Variants in PSG11 observed in about 807,000 individuals in gnomAD.
PSG11 encodes the protein pregnancy specific beta-1-glycoprotein 11.
In PSG11, 42 loss-of-function variants were observed where a neutral mutation model predicts 36.0. The observed-to-expected ratio is 1.17, with a 90% confidence interval of 0.91 to 1.51. The LOEUF (loss-of-function observed/expected upper bound fraction) is 1.51. PSG11 is among the 40% of genes most tolerant of loss of function. The pLI is 0.00. For synonymous variants in PSG11, 206 were observed against 153.5 expected (o/e 1.34, Z -2.53); for missense variants, 558 against 403.5 (o/e 1.38, Z -3.28).
intron 4 of PSG11, among the ~76,000 whole-genome samples, chr19:43,012,594 A>G (rs1001635793): frequency 6.6e-6 from 1 of 151,254 alleles, no homozygotes; most frequent in Non-Finnish European, 1.5e-5. Flanking sequence ...AGGTGAAATG[A>G]TTATACCTGA....
chr19:43,010,880 C>T (rs1362219805), intron 4 of PSG11, among the ~76,000 whole-genome samples: 4 of 121,522 alleles, frequency 3.3e-5, no homozygotes, highest in African/African-American at 7.0e-5. Flanking sequence ...TTATGTGTTA[C>T]CTCTTTTTCC....
chr19:43,015,281 G>A lies in PSG11; in HGVS notation c.799C>T (p.Pro267Ser). Reference sequence around the variant, plus strand: ...ATTGTCCAAGAATACTGTGCTGGTGGGTTAGAGTTTGCGAAGCAGGACAAG... The same window carrying A: ...ATTGTCCAAGAATACTGTGCTGGTGAGTTAGAGTTTGCGAAGCAGGACAAG... ...LDLSCFANSN[P>S]PAQYSWTING... The change falls in exon 4 of 6, where the codon CCA (proline) becomes TCA (serine). Residue 267 changes from proline to serine, a missense_variant. By Grantham distance (74) the Pro-to-Ser change is moderately conservative. Coordinates refer to ENST00000320078, the MANE Select transcript of PSG11 (RefSeq NM_002785.3). 7 of 1,611,272 alleles carry A rather than the reference G, an allele frequency of 4.3e-6. No homozygotes were observed. The highest frequency in any genetic ancestry group is 5.1e-6 in the Non-Finnish European group (6 of 1,178,286).
chr19:43,015,274 G>C lies in PSG11; in HGVS notation c.806C>G (p.Ala269Gly), dbSNP rs373919762. The change falls in exon 4 of 6, where the codon GCA becomes GGA. Residue 269 changes from alanine (A) to glycine (G), a missense_variant. Coordinates refer to ENST00000320078, the MANE Select transcript of PSG11 (RefSeq NM_002785.3). ...LSCFANSNPP[A>G]QYSWTINGKF... ...CCCATTAATTGTCCAAGAATACTGT[G>C]CTGGTGGGTTAGAGTTTGCGAAGCA... is the stretch of plus-strand genomic sequence containing the variant. The C allele has an allele frequency of 6.2e-7, 1 of 1,611,434 alleles. No individual in the cohort carries two copies.
chr19:43,008,162 T>G (rs1171423766), intron 5 of PSG11, 120 bp from the exon 6 acceptor site: 2 of 286,118 alleles, frequency 7.0e-6, no homozygotes, highest in Admixed American at 1.1e-4. Context: ...TAATGAGAAT[T>G]TATTATGGTA....
At chr19:43,025,126 T>A in intron 1 of PSG11, 70 bp from the exon 2 acceptor site, 2 of 1,544,368 alleles carry the variant, frequency 1.3e-6, no homozygotes, top group Admixed American at 1.9e-5. Context: ...GGGCCCTGAG[T>A]CCTGAGAAGG....
chr19:43,013,585 T>C (rs769090070), intron 4 of PSG11, among the ~76,000 whole-genome samples: 2 of 151,394 alleles, frequency 1.3e-5, no homozygotes, highest in South Asian at 2.1e-4. Context: ...TTTAGGATGG[T>C]TTTGATAAAC....
chr19:43,014,493 A>C (rs1966907925), intron 4 of PSG11: 1 of 975,796 alleles, frequency 1.0e-6, no homozygotes, highest in Non-Finnish European at 1.2e-6. Context: ...ATTTCCTTGC[A>C]GCCTGGCCCG....
rs1481142764 is a variant in PSG11 at position 43,024,679 on chromosome 19, G to A, written c.430+12C>T. 3.1e-6 allele frequency: 5 copies of A among 1,609,622 alleles called. No individual in the cohort carries two copies. The African/African-American group carries it at 4.0e-5, about 13-fold the overall frequency. On this transcript the variant is annotated intron_variant, in intron 2 of 5. Coordinates refer to ENST00000320078, the MANE Select transcript of PSG11 (RefSeq NM_002785.3). ...GTCCCCCAACACCCAGGGATCATGT[G>A]GAATCACTTACGGTATAAGGTGAAG...
intron 2 of PSG11, among the ~76,000 whole-genome samples, chr19:43,021,117 A>C (rs1463649814): frequency 6.6e-6 from 1 of 151,590 alleles, no homozygotes; most frequent in African/African-American, 2.4e-5. Context: ...ATTCCTCTTA[A>C]GTATGTGTTA....
At chr19:43,020,309 A>C (rs191175400) in intron 2 of PSG11, among the ~76,000 whole-genome samples, 10 of 151,538 alleles carry the variant, frequency 6.6e-5, no homozygotes, top group Non-Finnish European at 1.3e-4. Context: ...AATCTGAAAA[A>C]TTTAAAATCC....
chr19:43,026,434 A>G lies in PSG11; in HGVS notation c.-62T>C. ...GAGCCTAGGATCCAGAAGCTTCCAG[A>G]GCACGGCTGTCAGCTGTGCTGTCCT... On this transcript the variant is annotated 5_prime_UTR_variant, in exon 1 of 6. Coordinates refer to ENST00000320078, the MANE Select transcript of PSG11 (RefSeq NM_002785.3). The G allele has an allele frequency of 6.3e-7, 1 of 1,590,234 alleles. No individual in the cohort carries two copies. The highest frequency in any genetic ancestry group is 1.1e-5 in the South Asian group (1 of 89,692).
intron 4 of PSG11, among the ~76,000 whole-genome samples, chr19:43,011,370 T>G (rs556189935): frequency 6.6e-6 from 1 of 151,284 alleles, no homozygotes; most frequent in East Asian, 1.9e-4. Context: ...ACAACCTACT[T>G]TAACACTTCA....
chr19:43,023,217 C>G (rs1373179057), intron 2 of PSG11, among the ~76,000 whole-genome samples: 4 of 150,356 alleles, frequency 2.7e-5, no homozygotes, highest in Non-Finnish European at 4.4e-5. Context: ...CTCTGAAGGA[C>G]AAGGGACAGG....
chr19:43,014,464 T>G, intron 4 of PSG11: 2 of 969,396 alleles, frequency 2.1e-6, no homozygotes, highest in Non-Finnish European at 2.5e-6. Flanking sequence ...GAGTCTGCCC[T>G]GAGGTTGCTT....
rs71350636 is a variant in PSG11, at chr19:43,026,465, C to G, written c.-93G>C. On this transcript the variant is annotated 5_prime_UTR_variant, in exon 1 of 6. Coordinates refer to ENST00000320078, the MANE Select transcript of PSG11 (RefSeq NM_002785.3). ...GCTGTCAGCTGTGCTGTCCTTCCTC[C>G]TTCTGCGCTGAGACTCTTCCCGGTG... is the stretch of plus-strand genomic sequence containing the variant. 4.5e-5 allele frequency: 67 copies of G among 1,487,054 alleles called. 2 individuals are homozygous for G. Among genetic ancestry groups the G allele is most frequent in the Non-Finnish European group, 5.8e-5 (64 of 1,108,708 alleles). 92.1% of individuals were successfully genotyped at this position (1,487,054 alleles called of 1,614,324 possible).
At chr19:43,023,075 C>G (rs540017421) in intron 2 of PSG11, among the ~76,000 whole-genome samples, 49 of 150,814 alleles carry the variant, frequency 3.2e-4, no homozygotes, top group African/African-American at 1.1e-3. Context: ...CAGGAACCAG[C>G]TGCCCCCAGT....
At chr19:43,018,080 A>C (rs1361476326) in intron 3 of PSG11, among the ~76,000 whole-genome samples, 1 of 151,202 alleles carries the variant, frequency 6.6e-6, no homozygotes, top group Admixed American at 6.6e-5. Context: ...ACTTCCCTGG[A>C]AAACATAGTG....
intron 2 of PSG11, among the ~76,000 whole-genome samples, chr19:43,023,765 C>T (rs1159240785): frequency 1.3e-5 from 2 of 151,196 alleles, no homozygotes; most frequent in African/African-American, 4.9e-5. Context: ...ACTGTGCCTT[C>T]CTGTGCCTCA....
At chr19:43,024,654 G>C (rs745636373) in intron 2 of PSG11, 37 bp downstream of exon 2, 27 of 1,609,432 alleles carry the variant, frequency 1.7e-5, no homozygotes, top group Non-Finnish European at 2.1e-5. Context: ...AGTGACCCCT[G>C]TCCCCCAACA....
Sources: allele counts gnomAD v4.1 joint callset (sites outside exome capture counted in the v4.1 genomes callset), GRCh38; gene constraint gnomAD v4.1.1; transcripts MANE v1.5; gene names NCBI Gene and HGNC (gene_info 2026-07-23, HGNC 2026-07-21).